SNX29: variants seen among roughly 807,000 people sequenced by gnomAD.
SNX29 encodes sorting nexin-29.
SNX29 carries 78 observed loss-of-function variants against 102.1 expected under a neutral mutation model. The ratio of observed to expected loss-of-function variants is 0.76; its 90% CI spans 0.64 to 0.92. The LOEUF is 0.92. SNX29 is among the 40% of genes least tolerant of loss of function. The pLI is 0.00. For missense variants in SNX29, 1,280 were observed against 1,061.7 expected (o/e 1.21, Z -2.86); for synonymous variants, 580 against 414.5 (o/e 1.40, Z -4.85).
chr16:12,336,612 C>T (rs1382476351), intron 15 of SNX29, among the ~76,000 whole-genome samples: 1 of 152,188 alleles, frequency 6.6e-6, no homozygotes, highest in Non-Finnish European at 1.5e-5. Flanking sequence ...TGACAAGTCA[C>T]CTGTCCTTCC....
At chr16:12,491,260 A>T (rs2088530991) in intron 19 of SNX29, among the ~76,000 whole-genome samples, 1 of 152,146 alleles carries the variant, frequency 6.6e-6, no homozygotes. Context: ...CATGTTTGAG[A>T]CTCGGTTTCT....
At chr16:12,129,554 ATGTTAGGAAC>A (rs1567232677) in intron 12 of SNX29, 66 bp from the exon 13 acceptor site, 1 of 1,502,592 alleles carries the variant, frequency 6.7e-7, no homozygotes, top group Non-Finnish European at 8.9e-7. Context: ...GACTTGACTT[ATGTTAGGAAC>A]TGTGTCCTGG....
intron 18 of SNX29, among the ~76,000 whole-genome samples, chr16:12,463,157 C>T (rs559181552): frequency 1.9e-4 from 29 of 152,350 alleles, no homozygotes; most frequent in African/African-American, 3.8e-4. Flanking sequence ...CGGTCGTTGT[C>T]GCTCTGACTT....
At chr16:12,316,340 T>G (rs1303261719) in intron 15 of SNX29, among the ~76,000 whole-genome samples, 1 of 152,036 alleles carries the variant, frequency 6.6e-6, no homozygotes, top group Non-Finnish European at 1.5e-5. Flanking sequence ...GTCAAGAGAT[T>G]GAGATCATCC....
intron 15 of SNX29, among the ~76,000 whole-genome samples, chr16:12,315,549 A>C (rs1378018667): frequency 6.6e-6 from 1 of 152,118 alleles, no homozygotes; most frequent in African/African-American, 2.4e-5. Context: ...TTAAGATAAA[A>C]CGTCATTAGG....
chr16:11,981,162 G>A (rs1356972157), intron 1 of SNX29, among the ~76,000 whole-genome samples: 1 of 152,010 alleles, frequency 6.6e-6, no homozygotes, highest in African/African-American at 2.4e-5. Flanking sequence ...TAGAGATGGG[G>A]TTTTGCCATG....
chr16:12,494,712 T>G (rs1371998789), intron 19 of SNX29, among the ~76,000 whole-genome samples: 3 of 152,160 alleles, frequency 2.0e-5, no homozygotes, highest in Non-Finnish European at 4.4e-5. Context: ...AGTTCTTTTT[T>G]GTAATGAGTT....
At chr16:12,490,428 C>T (rs933952103) in intron 19 of SNX29, among the ~76,000 whole-genome samples, 3 of 152,222 alleles carry the variant, frequency 2.0e-5, no homozygotes, top group African/African-American at 7.2e-5. Context: ...GAATACACCA[C>T]AGTTTATTTA....
intron 10 of SNX29, among the ~76,000 whole-genome samples, chr16:12,072,605 T>C (rs1377169571): frequency 6.6e-6 from 1 of 152,158 alleles, no homozygotes; most frequent in African/African-American, 2.4e-5. Context: ...TCAATGTTCA[T>C]CAAGGATATT....
At chr16:12,184,008 C>T (rs2076453849) in intron 13 of SNX29, among the ~76,000 whole-genome samples, 2 of 152,092 alleles carry the variant, frequency 1.3e-5, no homozygotes, top group African/African-American at 4.8e-5. Flanking sequence ...GACAATGGGC[C>T]ACCGGCATCC....
chr16:12,550,632 A>T (rs1261694353), intron 20 of SNX29, among the ~76,000 whole-genome samples: 1 of 152,042 alleles, frequency 6.6e-6, no homozygotes, highest in Admixed American at 6.5e-5. Flanking sequence ...AGAAAGACAC[A>T]TTAAAAAGTA....
At chr16:12,058,495 G>GTTTTTTTTTTTTTT (rs1249420541) in intron 8 of SNX29, among the ~76,000 whole-genome samples, 3 of 106,508 alleles carry the variant, frequency 2.8e-5, no homozygotes, top group African/African-American at 3.9e-5. Flanking sequence ...TTGGTTTTTG[G>GTTTTTTTTTTTTTT]TTTTTTTTTT....
chr16:12,181,519 T>C (rs2076384465), intron 13 of SNX29, among the ~76,000 whole-genome samples: 3 of 152,186 alleles, frequency 2.0e-5, no homozygotes, highest in Admixed American at 1.3e-4. Flanking sequence ...TGACTTTGAA[T>C]AGAATGGGAG....
At chr16:12,508,677 T>A (rs900191122) in intron 19 of SNX29, among the ~76,000 whole-genome samples, 31 of 152,224 alleles carry the variant, frequency 2.0e-4, no homozygotes, top group African/African-American at 6.3e-4. Flanking sequence ...CTGTTAAGCC[T>A]GTGGCCATTG....
At chr16:12,056,007 G>A (rs866266717) in intron 8 of SNX29, among the ~76,000 whole-genome samples, 2 of 152,098 alleles carry the variant, frequency 1.3e-5, no homozygotes, top group Non-Finnish European at 2.9e-5. Context: ...TCAGCCTCCA[G>A]AGTAGGTGGG....
intron 16 of SNX29, among the ~76,000 whole-genome samples, chr16:12,376,755 AAAAG>A (rs1597140237): frequency 2.0e-5 from 3 of 151,310 alleles, no homozygotes; most frequent in Admixed American, 1.3e-4. Context: ...AAAAAAAAAA[AAAAG>A]AACAATTCTA....
chr16:12,228,504 C>G (rs565131721), intron 14 of SNX29, among the ~76,000 whole-genome samples: 30 of 152,366 alleles, frequency 2.0e-4, no homozygotes, highest in African/African-American at 7.2e-4. Context: ...TTCTTTACAA[C>G]ACAGAGCTTT....
At chr16:12,467,171 A>C (rs1410838077) in intron 18 of SNX29, among the ~76,000 whole-genome samples, 1 of 152,168 alleles carries the variant, frequency 6.6e-6, no homozygotes, top group African/African-American at 2.4e-5. Context: ...GAGAGTTGCA[A>C]ATTCTTCTCC....
Position 12,570,149 on chromosome 16 carries a change from A to C in SNX29, c.*1520A>C, listed in dbSNP as rs970594977. On this transcript the variant is annotated 3_prime_UTR_variant, in exon 21 of 21. Transcript: ENST00000566228. ...CCTTTAAGGAAGGCTGAGATCACTC[A>C]CACACAGCGCCCCCCCACCCCAGAG... 58 of 1,063,722 alleles carry C rather than the reference A, an allele frequency of 5.5e-5. No homozygotes were observed. The Middle Eastern group carries it at 3.3e-3, about 61-fold the overall frequency. The allele number at this position is 1,063,722 out of a possible 1,614,324, so 65.9% of individuals were successfully genotyped here. A position where few individuals can be genotyped will look rare whatever the true frequency, so the allele number is the denominator to read the frequency against.
Sources: allele counts gnomAD v4.1 joint callset (sites outside exome capture counted in the v4.1 genomes callset), GRCh38; gene constraint gnomAD v4.1.1; transcripts MANE v1.5; gene names NCBI Gene and HGNC (gene_info 2026-07-23, HGNC 2026-07-21).